Variants in SHROOM3 observed in about 807,000 individuals in gnomAD.
SHROOM3 encodes shroom family member 3, also known as protein Shroom3.
SHROOM3 carries 47 observed loss-of-function variants against 138.6 expected under a neutral mutation model. The observed-to-expected ratio is 0.34, with a 90% CI of 0.27 to 0.43. The LOEUF is 0.43. Ranked by LOEUF, SHROOM3 falls within the 20% of genes least tolerant of loss-of-function variation. The pLI, the probability that SHROOM3 is intolerant of heterozygous loss-of-function variation, is 1.00. For synonymous variants in SHROOM3, 1,062 were observed against 1,063.3 expected (o/e 1.00, Z 0.02); for missense variants, 2,491 against 2,596.5 (o/e 0.96, Z 0.88).
chr4:76,756,067 A>T (rs534745688), intron 7 of SHROOM3, among the ~76,000 whole-genome samples: 1 of 152,278 alleles, frequency 6.6e-6, no homozygotes, highest in Non-Finnish European at 1.5e-5. Context: ...TCAGGAGATG[A>T]CAACCTCCTG....
At chr4:76,767,961 T>A (rs762435277) in intron 9 of SHROOM3, among the ~76,000 whole-genome samples, 2 of 152,222 alleles carry the variant, frequency 1.3e-5, no homozygotes, top group Non-Finnish European at 2.9e-5. Flanking sequence ...GCCTGAAATT[T>A]GAATGAGCTG....
At chr4:76,711,520 C>T (rs1473793604) in intron 3 of SHROOM3, among the ~76,000 whole-genome samples, 3 of 152,112 alleles carry the variant, frequency 2.0e-5, no homozygotes, top group Admixed American at 6.5e-5. Flanking sequence ...TGGCAAAACC[C>T]TGTCTCTACA....
intron 3 of SHROOM3, among the ~76,000 whole-genome samples, chr4:76,717,121 G>T (rs1388687896): frequency 1.3e-5 from 2 of 152,178 alleles, no homozygotes; most frequent in East Asian, 3.9e-4. Context: ...GGTGTTTTTT[G>T]TTTGTTTGTT....
At chr4:76,736,228 C>T (rs918813791) in intron 4 of SHROOM3, among the ~76,000 whole-genome samples, 5 of 152,102 alleles carry the variant, frequency 3.3e-5, no homozygotes, top group Admixed American at 3.3e-4. Context: ...TGAAGAAATT[C>T]AGGGTAGGGG....
chr4:76,692,335 G>T (rs1414903517), intron 2 of SHROOM3, among the ~76,000 whole-genome samples: 1 of 152,204 alleles, frequency 6.6e-6, no homozygotes, highest in Non-Finnish European at 1.5e-5. Flanking sequence ...TGTGTGGGAG[G>T]CATCCCAGGA....
At chr4:76,650,059 G>C (rs1397291851) in intron 2 of SHROOM3, among the ~76,000 whole-genome samples, 1 of 152,112 alleles carries the variant, frequency 6.6e-6, no homozygotes, top group Non-Finnish European at 1.5e-5. Context: ...GATGTGCTTG[G>C]AGAGAGTTTA....
chr4:76,493,596 A>G (rs996786874), intron 1 of SHROOM3, among the ~76,000 whole-genome samples: 1 of 152,182 alleles, frequency 6.6e-6, no homozygotes, highest in Non-Finnish European at 1.5e-5. Flanking sequence ...CCTGGCTAGG[A>G]CGAGAACCCT....
intron 2 of SHROOM3, among the ~76,000 whole-genome samples, chr4:76,616,125 T>G (rs1734870067): frequency 1.3e-5 from 2 of 152,124 alleles, no homozygotes; most frequent in South Asian, 4.2e-4. Flanking sequence ...GGCCTGGGGT[T>G]GGACAACACT....
chr4:76,608,669 A>ATG (rs1734692125), intron 2 of SHROOM3, among the ~76,000 whole-genome samples: 3 of 52,716 alleles, frequency 5.7e-5, no homozygotes, highest in African/African-American at 1.4e-4. Context: ...AGCATAGCAC[A>ATG]GCATAGCACA....
chr4:76,494,391 C>A (rs1490566050), intron 1 of SHROOM3, among the ~76,000 whole-genome samples: 10 of 152,162 alleles, frequency 6.6e-5, no homozygotes, highest in Admixed American at 5.9e-4. Flanking sequence ...GCAGAATTAA[C>A]ATTGTGCGCT....
chr4:76,688,350 A>G, intron 2 of SHROOM3: 3 of 982,388 alleles, frequency 3.1e-6, no homozygotes, highest in South Asian at 4.7e-5. Context: ...CTGTCAGGAT[A>G]TAAGAGCACA....
At chr4:76,609,102 C>T (rs992092131) in intron 2 of SHROOM3, among the ~76,000 whole-genome samples, 4 of 152,302 alleles carry the variant, frequency 2.6e-5, no homozygotes, top group Non-Finnish European at 4.4e-5. Flanking sequence ...ATACAATTAA[C>T]AAGAACACTT....
At chr4:76,735,464 A>G (rs1239252318) in intron 4 of SHROOM3, among the ~76,000 whole-genome samples, 1 of 152,068 alleles carries the variant, frequency 6.6e-6, no homozygotes, top group Non-Finnish European at 1.5e-5. Context: ...TGCTACAGGA[A>G]GGAACCCACT....
In SHROOM3 at chr4:76,756,698, G is replaced by C; in HGVS notation, c.4959G>C (p.Lys1653Asn). The C allele has an allele frequency of 3.1e-6, 5 of 1,614,128 alleles. No individual in the cohort carries two copies. Among genetic ancestry groups the C allele is most frequent in the Non-Finnish European group, 3.4e-6 (4 of 1,180,026 alleles). Residue 1653 changes from lysine (K) to asparagine (N), a missense_variant, in exon 8 of 11, where the codon AAG becomes AAC. Lys to Asn is a moderately conservative substitution (Grantham distance 94). Transcript: ENST00000296043. ...TCAGTGGAACTCAGGGTTTAGAAAA[G>C]AAAGTCAGTCCTGATCCTCAGAAGA... is the stretch of plus-strand genomic sequence containing the variant. ...DPVSGTQGLE[K>N]KVSPDPQKSS... is the part of the protein sequence containing the mutation.
At chr4:76,437,465 T>C (rs539282690) in intron 1 of SHROOM3, among the ~76,000 whole-genome samples, 1 of 152,320 alleles carries the variant, frequency 6.6e-6, no homozygotes, top group Admixed American at 6.5e-5. Flanking sequence ...GCCATTCTTA[T>C]GATGTTGGCT....
rs1324500970 is a variant in SHROOM3 at position 76,741,026 on chromosome 4, C to A, written c.2853C>A (p.Pro951=). Reference sequence around the variant, plus strand: ...GTCGAGACCTGGAGCTGGGGGCGCCCGTGGCGTCGAGGTCCTGGCGGCCAC... The same window carrying A: ...GTCGAGACCTGGAGCTGGGGGCGCCAGTGGCGTCGAGGTCCTGGCGGCCAC... The part of the protein sequence containing the change: ...FRRRDLELGA[P]VASRSWRPRP... The change falls in exon 5 of 11, where the codon CCC becomes CCA. Residue 951 remains proline, a synonymous_variant. Transcript: ENST00000296043. The surrounding 1 kb of genome is among the most constrained non-coding windows in gnomAD (Gnocchi z 6.2). The A allele has an allele frequency of 3.4e-6, 5 of 1,484,820 alleles. No homozygotes were observed. The highest frequency in any genetic ancestry group is 4.5e-6 in the Non-Finnish European group (5 of 1,121,750). 92.0% of individuals were successfully genotyped at this position (1,484,820 alleles called of 1,614,324 possible). A position where few individuals can be genotyped will look rare whatever the true frequency, so the allele number is the denominator to read the frequency against.
chr4:76,539,467 CTTTA>C (rs1420130285), intron 1 of SHROOM3, among the ~76,000 whole-genome samples: 1 of 152,246 alleles, frequency 6.6e-6, no homozygotes, highest in East Asian at 1.9e-4. Context: ...TAATCTTACT[CTTTA>C]ATACTGTGAG....
At chr4:76,720,117 G>T (rs559906992) in intron 3 of SHROOM3, among the ~76,000 whole-genome samples, 1 of 148,992 alleles carries the variant, frequency 6.7e-6, no homozygotes, top group South Asian at 2.2e-4. Flanking sequence ...ATTAATGAGG[G>T]AATTATGAAA....
chr4:76,711,091 C>G (rs1261087973), intron 3 of SHROOM3, among the ~76,000 whole-genome samples: 1 of 152,272 alleles, frequency 6.6e-6, no homozygotes, highest in African/African-American at 2.4e-5. Flanking sequence ...TTATCCTCAT[C>G]ATTCTCATCA....
Sources: gnomAD v4.1 joint callset for allele counts (sites outside exome capture counted in the v4.1 genomes callset) on GRCh38, gnomAD v4.1.1 for gene constraint, Gnocchi (gnomAD v3.1) non-coding constraint, MANE v1.5 for transcripts, NCBI Gene and HGNC (gene_info 2026-07-23, HGNC 2026-07-21) for gene names.